The following WDR76 variants were observed in gnomAD, a reference collection of about 807,000 sequenced individuals.
The protein encoded by WDR76 is WD repeat-containing protein 76.
In WDR76, 52 loss-of-function variants were observed where a neutral mutation model predicts 70.2. The observed-to-expected ratio is 0.74, with a 90% CI of 0.59 to 0.93. WDR76 has a LOEUF of 0.93. Ranked by LOEUF, WDR76 falls within the 40% of genes least tolerant of loss-of-function variation. The probability of loss-of-function intolerance (pLI) is 0.00; values close to 1 mark genes in which losing one functional copy is unlikely to be tolerated. For synonymous variants in WDR76, 292 were observed against 271.1 expected (o/e 1.08, Z -0.76); for missense variants, 756 against 760.2 (o/e 0.99, Z 0.07).
intron 8 of WDR76, among the ~76,000 whole-genome samples, chr15:43,850,118 G>A (rs2087838152): frequency 6.6e-6 from 1 of 152,088 alleles, no homozygotes; most frequent in East Asian, 1.9e-4. Flanking sequence ...GTGATTCTTT[G>A]GTTCATAATA....
chr15:43,857,418 C>T (rs758998180), intron 10 of WDR76: 134 of 968,594 alleles, frequency 1.4e-4, no homozygotes, highest in East Asian at 3.4e-4. Context: ...TATATGCATT[C>T]GCCTCTTATG....
At position 43,866,446 on chromosome 15, in the gene WDR76, T is replaced by G. The variant is rs2088072611; in HGVS notation, c.*54T>G. On this transcript the variant is annotated 3_prime_UTR_variant, in exon 13 of 13. Transcript: ENST00000263795. ...CAAATTGACCACTGTCTAAGGAGCC[T>G]AGTAATCGGCGTGCCTTAGTGTGTT... is the stretch of plus-strand genomic sequence containing the variant. The G allele has an allele frequency of 6.3e-7, 1 of 1,594,716 alleles. No homozygotes were observed. The highest frequency in any genetic ancestry group is 1.1e-5 in the South Asian group (1 of 89,644).
At chr15:43,832,630 GA>G (rs1342345684) in intron 2 of WDR76, among the ~76,000 whole-genome samples, 2 of 151,086 alleles carry the variant, frequency 1.3e-5, no homozygotes, top group Non-Finnish European at 2.9e-5. Context: ...ATTTTTAGTA[GA>G]GATTAGGTTT....
Position 43,866,225 on chromosome 15 carries a change from C to A in WDR76, c.1714C>A (p.Arg572=). ...CATAGTTGGCAGCATGGCCCATCCA[C>A]GACGGGTAGAAATCTTCCATGAGAC... ...CVIVGSMAHP[R]RVEIFHETGK... The change falls in exon 13 of 13, where the codon CGA becomes AGA. Residue 572 remains arginine (R), a synonymous_variant. Transcript: ENST00000263795. 6.2e-7 allele frequency: 1 copy of A among 1,614,194 alleles called. No individual in the cohort carries two copies.
rs776184926 is a variant in WDR76, at chr15:43,836,218, T to C, written c.608+2T>C. 1.2e-6 allele frequency: 2 copies of C among 1,609,254 alleles called. No homozygotes were observed. The highest frequency in any genetic ancestry group is 1.7e-6 in the Non-Finnish European group (2 of 1,177,968). ...GAGACAGCCTCCTAAATCCAAAAGG[T>C]AAAATATCTAGTTTGCAATGCCTGA... On this transcript the variant is annotated splice_donor_variant, in intron 4 of 12. Transcript: ENST00000263795. LOFTEE classifies it high-confidence loss of function.
rs755619768 is a variant in WDR76 at position 43,842,498 on chromosome 15, A to T, written c.816A>T (p.Thr272=). The change falls in exon 6 of 13, where the codon ACA becomes ACT. Residue 272 remains threonine, a synonymous_variant. Transcript: ENST00000263795. ...NNERFKGFLH[T]WAGMSKPSSK... ...AACGATTTAAAGGATTTCTGCACAC[A>T]TGGGCAGGAATGAGCAAGGTATCAC... 5.0e-6 allele frequency: 8 copies of T among 1,613,850 alleles called. No homozygotes were observed. The African/African-American group carries it at 6.7e-5, about 13-fold the overall frequency.
intron 5 of WDR76, among the ~76,000 whole-genome samples, chr15:43,840,341 T>A (rs2087709138): frequency 6.6e-6 from 1 of 151,820 alleles, no homozygotes; most frequent in Non-Finnish European, 1.5e-5. Context: ...TTATGTCAGT[T>A]TAAAAAAAAA....
chr15:43,865,841 T>A (rs964605235), intron 12 of WDR76, among the ~76,000 whole-genome samples: 1 of 152,240 alleles, frequency 6.6e-6, no homozygotes, highest in African/African-American at 2.4e-5. Context: ...GTTAGTGATA[T>A]TAAGGCAAAA....
At position 43,834,989 on chromosome 15, in the gene WDR76, CAT is replaced by C. The variant is rs536660336; in HGVS notation, c.463-71_463-70del. 397 of 1,232,124 alleles carry C rather than the reference CAT, an allele frequency of 3.2e-4. 7 individuals are homozygous for C. In the South Asian group the frequency reaches 3.8e-3, roughly 12 times the overall value. The allele number at this position is 1,232,124 out of a possible 1,614,324, so 76.3% of individuals were successfully genotyped here. On this transcript the variant is annotated intron_variant, in intron 2 of 12. Transcript: ENST00000263795. ...TAAAGTATTCATGTAGAAAATGAAA[CAT>C]GTAGTTTTGTGAAGTGCTTTTCCTG...
intron 2 of WDR76, among the ~76,000 whole-genome samples, chr15:43,830,309 T>C (rs1462146247): frequency 6.6e-6 from 1 of 151,984 alleles, no homozygotes; most frequent in East Asian, 2.0e-4. Flanking sequence ...ACGCCTGTAA[T>C]CCCAGCACCT....
intron 7 of WDR76, 56 bp from the exon 8 acceptor site, chr15:43,843,845 A>T (rs926925062): frequency 7.1e-7 from 1 of 1,414,320 alleles, no homozygotes; most frequent in East Asian, 2.5e-5. Context: ...TCTTTTACTT[A>T]TTTTGACTAT....
intron 8 of WDR76, 46 bp from the exon 9 acceptor site, chr15:43,851,041 T>G: frequency 6.2e-7 from 1 of 1,603,004 alleles, no homozygotes; most frequent in Non-Finnish European, 8.5e-7. Flanking sequence ...ATCACTATTT[T>G]TCACTAGTTT....
At position 43,844,705 on chromosome 15, in the gene WDR76, C is replaced by T. The variant is rs1415745921; in HGVS notation, c.1032+651C>T. On this transcript the variant is annotated intron_variant, in intron 8 of 12. Coordinates refer to ENST00000263795, the MANE Select transcript of WDR76 (RefSeq NM_024908.4). ...CGGGTGGATCACGAAGTCAGGAGAT[C>T]GAGACCGTCCTGGCTAACACAGTGA... 4.6e-5 allele frequency among the ~76,000 whole-genome samples: 7 copies of T among 150,912 alleles called. No individual in the cohort carries two copies. The East Asian group carries it at 7.9e-4, about 17-fold the overall frequency.
At chr15:43,865,246 C>T (rs1372229311) in intron 12 of WDR76, among the ~76,000 whole-genome samples, 3 of 151,780 alleles carry the variant, frequency 2.0e-5, no homozygotes, top group South Asian at 2.1e-4. Flanking sequence ...CAGGCAAGCA[C>T]CACCATGCCT....
chr15:43,830,590 A>G (rs968602306), intron 2 of WDR76, among the ~76,000 whole-genome samples: 4 of 151,614 alleles, frequency 2.6e-5, no homozygotes, highest in Non-Finnish European at 5.9e-5. Context: ...AAGATTCTGA[A>G]GAATACAAGG....
chr15:43,850,129 T>C (rs1306811917), intron 8 of WDR76, among the ~76,000 whole-genome samples: 1 of 152,126 alleles, frequency 6.6e-6, no homozygotes, highest in Non-Finnish European at 1.5e-5. Flanking sequence ...GTTCATAATA[T>C]GCCATATGGC....
intron 9 of WDR76, among the ~76,000 whole-genome samples, chr15:43,854,292 G>GCAAT (rs1464621539): frequency 7.2e-5 from 11 of 152,124 alleles, no homozygotes; most frequent in Non-Finnish European, 1.5e-4. Context: ...AGAATAGGTT[G>GCAAT]GGCATGGTAG....
chr15:43,857,380 TGAAA>T (rs2087941574), intron 10 of WDR76: 2 of 847,656 alleles, frequency 2.4e-6, no homozygotes, highest in Admixed American at 1.2e-4. Flanking sequence ...GTGAAAAAGC[TGAAA>T]GAAATTTTTG....
At chr15:43,836,114 T>G in intron 3 of WDR76, 47 bp from the exon 4 acceptor site, 2 of 1,550,412 alleles carry the variant, frequency 1.3e-6, no homozygotes, top group Non-Finnish European at 1.8e-6. Context: ...TTTTAAAAGG[T>G]AAGATACGTA....
Sources: allele counts gnomAD v4.1 joint callset (sites outside exome capture counted in the v4.1 genomes callset), GRCh38; gene constraint gnomAD v4.1.1; transcripts MANE v1.5; gene names NCBI Gene and HGNC (gene_info 2026-07-23, HGNC 2026-07-21).